The following IGF1 variants were observed in gnomAD, a reference collection of about 807,000 sequenced individuals.
The protein encoded by IGF1 is insulin-like growth factor 1.
Under a neutral mutation model 13.8 loss-of-function variants are expected in IGF1, and 4 were observed. The ratio of observed to expected loss-of-function variants is 0.29; its 90% CI spans 0.14 to 0.66. The LOEUF is 0.66. Ranked by LOEUF, IGF1 falls within the 30% of genes least tolerant of loss-of-function variation. IGF1 has a pLI of 0.78. For synonymous variants in IGF1, 76 were observed against 72.6 expected (o/e 1.05, Z -0.23); for missense variants, 124 against 188.5 (o/e 0.66, Z 2.00).
chr12:102,478,672 T>G, intron 1 of IGF1: 1 of 1,368,596 alleles, frequency 7.3e-7, no homozygotes, highest in Non-Finnish European at 9.5e-7. Flanking sequence ...CTGGGTAAAC[T>G]GCCTTTTGTC....
rs1035720727 is a variant in IGF1, at chr12:102,418,136, G to T, written c.402+1373C>A. 4 of 846,786 alleles carry T rather than the reference G, an allele frequency of 4.7e-6. No individual in the cohort carries two copies. In the African/African-American group the frequency reaches 7.1e-5, roughly 15 times the overall value. The allele number at this position is 846,786 out of a possible 1,614,324, so 52.5% of individuals were successfully genotyped here. ...ATGCTGGAGAGGGGTCTAGACCTCA[G>T]TCACAAGACCCACCATTCCAGAACT... On this transcript the variant is annotated intron_variant, in intron 3 of 3. Transcript: ENST00000337514.
chr12:102,417,955 C>A, intron 3 of IGF1: 2 of 1,613,574 alleles, frequency 1.2e-6, no homozygotes, highest in Non-Finnish European at 1.7e-6. Context: ...TTTGGCCAAC[C>A]TTTCCTTCTC....
rs765296872 is a variant in IGF1, at chr12:102,480,276, A to G, written c.63+43T>C. On this transcript the variant is annotated intron_variant, in intron 1 of 3. Transcript: ENST00000337514. ...GGCAGAAGCAAACAGTACACAATTTAAATAGAATTCCCCAATGACTTCAAA... is the reference window on the plus strand; with the variant it reads ...GGCAGAAGCAAACAGTACACAATTTGAATAGAATTCCCCAATGACTTCAAA... 30 of 1,573,422 alleles carry G rather than the reference A, an allele frequency of 1.9e-5. No homozygotes were observed. The African/African-American group carries it at 3.8e-4, about 20-fold the overall frequency.
intron 2 of IGF1, among the ~76,000 whole-genome samples, chr12:102,456,086 C>T (rs1446172572): frequency 6.6e-6 from 1 of 152,104 alleles, no homozygotes; most frequent in Non-Finnish European, 1.5e-5. Context: ...TTTGGTAAAA[C>T]ATCTCCCTCA....
intron 2 of IGF1, among the ~76,000 whole-genome samples, chr12:102,421,160 A>C (rs1875679984): frequency 6.6e-6 from 1 of 152,116 alleles, no homozygotes; most frequent in Non-Finnish European, 1.5e-5. Context: ...TCTGTAAGGC[A>C]GGTTTATTGT....
intron 3 of IGF1, among the ~76,000 whole-genome samples, chr12:102,408,557 C>T (rs913963372): frequency 2.0e-5 from 3 of 152,136 alleles, no homozygotes; most frequent in East Asian, 1.9e-4. Flanking sequence ...CCCAGCATCA[C>T]GTTTTTTTCT....
At chr12:102,461,084 A>G (rs1444627887) in intron 2 of IGF1, among the ~76,000 whole-genome samples, 1 of 152,218 alleles carries the variant, frequency 6.6e-6, no homozygotes, top group East Asian at 1.9e-4. Flanking sequence ...TTAGTGGTAG[A>G]GTTCTGAGTA....
chr12:102,476,621 C>T (rs1881066799), intron 1 of IGF1, among the ~76,000 whole-genome samples: 1 of 152,164 alleles, frequency 6.6e-6, no homozygotes, highest in African/African-American at 2.4e-5. Flanking sequence ...TTGAGAATCC[C>T]TTCTGTGTAT....
intron 3 of IGF1, among the ~76,000 whole-genome samples, chr12:102,402,991 A>T (rs2136941699): frequency 6.6e-6 from 1 of 152,324 alleles, no homozygotes; most frequent in South Asian, 2.1e-4. Context: ...TTTTTGTAAA[A>T]AAGAGACATT....
upstream of IGF1, among the ~76,000 whole-genome samples, chr12:102,480,922 C>G (rs1881355176): frequency 6.6e-6 from 1 of 152,050 alleles, no homozygotes; most frequent in African/African-American, 2.4e-5. Flanking sequence ...GATGGGAGAG[C>G]AATTTTAGAT....
At chr12:102,410,457 A>T (rs1874541409) in intron 3 of IGF1, among the ~76,000 whole-genome samples, 1 of 152,226 alleles carries the variant, frequency 6.6e-6, no homozygotes, top group Admixed American at 6.5e-5. Context: ...TAAAAAGTGA[A>T]ACACCAGATT....
rs375681523 is a variant in IGF1, at chr12:102,417,770, G to T, written c.402+1739C>A. 2.5e-6 allele frequency: 4 copies of T among 1,609,876 alleles called. No individual in the cohort carries two copies. In the Admixed American group the frequency reaches 6.7e-5, roughly 27 times the overall value. On this transcript the variant is annotated intron_variant, in intron 3 of 3. Coordinates refer to ENST00000337514, the MANE Select transcript of IGF1 (RefSeq NM_000618.5). ...TTTCTGCTTTTCATTCTTGCTGTCT[G>T]CTCCTCTCTCATCATCCTTGCCTCT...
chr12:102,476,921 T>C (rs1750368237), intron 1 of IGF1, among the ~76,000 whole-genome samples: 1 of 152,174 alleles, frequency 6.6e-6, no homozygotes, highest in African/African-American at 2.4e-5. Flanking sequence ...AAGATGTGGC[T>C]TTTTCCAAGA....
chr12:102,476,311 C>T (rs929435426), intron 1 of IGF1, among the ~76,000 whole-genome samples: 3 of 151,790 alleles, frequency 2.0e-5, no homozygotes, highest in Non-Finnish European at 4.4e-5. Flanking sequence ...AACATCATTC[C>T]CTATTTTTGA....
In IGF1 at chr12:102,480,178, T is replaced by A. The variant is rs148014704; in HGVS notation, c.63+141A>T. On this transcript the variant is annotated intron_variant, in intron 1 of 3. Coordinates refer to ENST00000337514, the MANE Select transcript of IGF1 (RefSeq NM_000618.5). ...GAGCTATTTTTCAGATTCCACAGAA[T>A]TGCATATTCAGCAATTTATAAATAA... 298 of 787,818 alleles carry A rather than the reference T, an allele frequency of 3.8e-4. 1 individual carries two copies. The highest frequency in any genetic ancestry group is 5.9e-4 in the Non-Finnish European group (283 of 476,136). The allele number at this position is 787,818 out of a possible 1,614,324, so 48.8% of individuals were successfully genotyped here.
At chr12:102,478,041 G>A (rs1592841110) in intron 1 of IGF1, among the ~76,000 whole-genome samples, 1 of 135,582 alleles carries the variant, frequency 7.4e-6, no homozygotes, top group Admixed American at 8.0e-5. Flanking sequence ...ATAAATCTCA[G>A]TACTTACAGT....
intron 2 of IGF1, among the ~76,000 whole-genome samples, chr12:102,464,449 T>G (rs892505229): frequency 2.0e-5 from 3 of 148,284 alleles, no homozygotes; most frequent in African/African-American, 7.5e-5. Flanking sequence ...GAAATTTTAT[T>G]AAGTGCTCCA....
chr12:102,425,336 G>A (rs563874477), intron 2 of IGF1, among the ~76,000 whole-genome samples: 1 of 152,104 alleles, frequency 6.6e-6, no homozygotes, highest in South Asian at 2.1e-4. Flanking sequence ...TTTCACTTTT[G>A]GCCTGTGTTA....
rs758257940 is a variant in IGF1 at position 102,418,049 on chromosome 12, A to G, written c.402+1460T>C. On this transcript the variant is annotated intron_variant, in intron 3 of 3. Transcript: ENST00000337514. The stretch of plus-strand genomic sequence containing the variant: ...ATTGCATTGAGAACAAGTGGTTCCC[A>G]TGGTGTCCCTTTGAATGAGCTCAGA... 17 of 1,593,960 alleles carry G rather than the reference A, an allele frequency of 1.1e-5. No individual in the cohort carries two copies. The South Asian group carries it at 1.7e-4, about 16-fold the overall frequency.
Sources: gnomAD v4.1 joint callset for allele counts (sites outside exome capture counted in the v4.1 genomes callset) on GRCh38, gnomAD v4.1.1 for gene constraint, MANE v1.5 for transcripts, NCBI Gene and HGNC (gene_info 2026-07-23, HGNC 2026-07-21) for gene names.